Variants in DCHS2 observed in about 807,000 individuals in gnomAD.
DCHS2 encodes dachsous cadherin-related 2, also known as protocadherin-23.
Under a neutral mutation model 182.4 loss-of-function variants are expected in DCHS2, and 142 were observed. The ratio of observed to expected loss-of-function variants is 0.78; its 90% CI spans 0.68 to 0.89. The LOEUF is 0.89. Ranked by LOEUF, DCHS2 falls within the 40% of genes least tolerant of loss-of-function variation. The pLI is 0.00. For missense variants in DCHS2, 4,319 were observed against 4,198.6 expected (o/e 1.03, Z -0.79); for synonymous variants, 1,740 against 1,663.3 (o/e 1.05, Z -1.12).
chr4:154,434,379 G>A (rs1313779621), intron 1 of DCHS2, among the ~76,000 whole-genome samples: 1 of 152,118 alleles, frequency 6.6e-6, no homozygotes, highest in Non-Finnish European at 1.5e-5. Flanking sequence ...GTGTGATTGT[G>A]CCACAGCACT....
chr4:154,448,343 A>C (rs780705426), intron 1 of DCHS2, among the ~76,000 whole-genome samples: 12 of 152,150 alleles, frequency 7.9e-5, no homozygotes, highest in Non-Finnish European at 1.6e-4. Context: ...CAGATGCCTC[A>C]AGTGTCCTCA....
intron 3 of DCHS2, among the ~76,000 whole-genome samples, chr4:154,347,308 A>G (rs954801254): frequency 6.7e-6 from 1 of 149,956 alleles, no homozygotes; most frequent in Non-Finnish European, 1.5e-5. Context: ...AAGGCAAGAA[A>G]TCTATTATTT....
At position 154,234,778 on chromosome 4, in the gene DCHS2, C is replaced by T. The variant is rs754727249; in HGVS notation, c.9874G>A (p.Val3292Ile). Reference sequence around the variant, plus strand: ...TTTACTGCCGGCATTCTTGGTGGGACTGCTTTAATCCCAGGCTGGGCTACT... The same window carrying T: ...TTTACTGCCGGCATTCTTGGTGGGATTGCTTTAATCCCAGGCTGGGCTACT... ...TAVAQPGIKA[V>I]PPRMPAVNLG... The change falls in exon 20 of 20, where the codon GTC (valine) becomes ATC (isoleucine). Residue 3292 changes from valine to isoleucine, a missense_variant. Val to Ile is a conservative substitution (Grantham distance 29). Coordinates refer to ENST00000357232, the MANE Select transcript of DCHS2 (RefSeq NM_001358235.2). 45 of 1,613,822 alleles carry T rather than the reference C, an allele frequency of 2.8e-5. No individual in the cohort carries two copies. In the South Asian group the frequency reaches 4.2e-4, roughly 15 times the overall value.
In DCHS2 at chr4:154,422,426, C is replaced by T. The variant is rs1030055706; in HGVS notation, c.2053-44982G>A. Among the ~76,000 whole-genome samples the T allele has an allele frequency of 5.3e-5, 8 of 152,292 alleles. No individual in the cohort carries two copies. In the South Asian group the frequency reaches 1.7e-3, roughly 32 times the overall value. ...ACCCTTTTCTTTACCCAGTAACCCA[C>T]TCCATCAGCAAGTTCTATTGCCTCT... On this transcript the variant is annotated intron_variant, in intron 1 of 19. Transcript: ENST00000357232.
chr4:154,456,033 T>C (rs1487807201), intron 1 of DCHS2, among the ~76,000 whole-genome samples: 2 of 151,796 alleles, frequency 1.3e-5, no homozygotes, highest in Non-Finnish European at 2.9e-5. Context: ...GAGCTTGCAA[T>C]GAGCTGAGAT....
At chr4:154,414,206 G>GAT (rs386401933) in intron 1 of DCHS2, among the ~76,000 whole-genome samples, 15 of 148,044 alleles carry the variant, frequency 1.0e-4, no homozygotes, top group East Asian at 2.0e-4. Context: ...TAGAGAGAGA[G>GAT]AGATATAGAT....
rs774118820 is a variant in DCHS2 at position 154,235,956 on chromosome 4, A to G, written c.8696T>C (p.Ile2899Thr). The G allele has an allele frequency of 6.8e-6, 11 of 1,614,040 alleles. No individual in the cohort carries two copies. Among genetic ancestry groups the G allele is most frequent in the East Asian group, 2.2e-5 (1 of 44,844 alleles). Residue 2899 changes from isoleucine (I) to threonine (T), a missense_variant, in exon 20 of 20, where the codon ATT (isoleucine) becomes ACT (threonine). Physicochemically the swap from Ile to Thr is moderately conservative, Grantham distance 89 (BLOSUM62 -1). Coordinates refer to ENST00000357232, the MANE Select transcript of DCHS2 (RefSeq NM_001358235.2). ...TGCATCTGAGGCTTCCACTCTGCCA[A>G]TCAACTGTCTGTCTTTATTCTTTTC... is the stretch of plus-strand genomic sequence containing the variant. ...LPEKNKDRQL[I>T]GRVEASDADA...
intron 11 of DCHS2, 72 bp from the exon 12 acceptor site, chr4:154,304,950 A>G: frequency 6.6e-7 from 1 of 1,521,932 alleles, no homozygotes; most frequent in East Asian, 2.4e-5. Context: ...TTCTAACTAG[A>G]CAATGTCAGG....
chr4:154,304,637 AAACAAAC>A (rs762388593), intron 12 of DCHS2, 25 bp downstream of exon 12: 4 of 359,430 alleles, frequency 1.1e-5, no homozygotes, highest in South Asian at 9.1e-5. Flanking sequence ...TTAAAAAAAC[AAACAAAC>A]AAACAAACAA....
intron 14 of DCHS2, among the ~76,000 whole-genome samples, chr4:154,268,421 A>G (rs868361836): frequency 6.6e-6 from 1 of 152,232 alleles, no homozygotes; most frequent in South Asian, 2.1e-4. Flanking sequence ...GGGAGCATGT[A>G]CAGTGTGGAG....
chr4:154,451,780 A>G (rs1446393446), intron 1 of DCHS2, among the ~76,000 whole-genome samples: 1 of 152,186 alleles, frequency 6.6e-6, no homozygotes, highest in East Asian at 1.9e-4. Flanking sequence ...ACAGTTCTAT[A>G]CTGATAAATG....
chr4:154,263,660 T>C (rs147872039), intron 14 of DCHS2, among the ~76,000 whole-genome samples: 2 of 146,412 alleles, frequency 1.4e-5, no homozygotes, highest in African/African-American at 5.1e-5. Flanking sequence ...AAAGGCTGCA[T>C]ATATTCCAAA....
chr4:154,239,438 T>A (rs1731695455), intron 18 of DCHS2, 136 bp from the exon 19 acceptor site: 2 of 1,333,160 alleles, frequency 1.5e-6, no homozygotes, highest in Middle Eastern at 1.9e-4. Flanking sequence ...TTGTTAGACA[T>A]ATTAATTTAT....
intron 1 of DCHS2, among the ~76,000 whole-genome samples, chr4:154,389,104 C>T (rs1339569187): frequency 3.9e-5 from 6 of 152,026 alleles, no homozygotes; most frequent in East Asian, 1.9e-4. Flanking sequence ...ATGAAAGAGC[C>T]GTGGACAATA....
chr4:154,384,257 G>T, intron 1 of DCHS2: 1 of 1,469,920 alleles, frequency 6.8e-7, no homozygotes. Context: ...TTTATTTTCT[G>T]AATTATTTGG....
At chr4:154,266,421 G>C (rs1578882527) in intron 14 of DCHS2, among the ~76,000 whole-genome samples, 1 of 151,998 alleles carries the variant, frequency 6.6e-6, no homozygotes, top group African/African-American at 2.4e-5. Flanking sequence ...CTTTGGGAGG[G>C]TGAAGCGGGT....
At chr4:154,437,350 G>A (rs7670027) in intron 1 of DCHS2, among the ~76,000 whole-genome samples, 68,385 of 151,798 alleles carry the variant, frequency 0.45, 16,137 homozygotes, top group Middle Eastern at 0.65. Flanking sequence ...CTCTCATGAT[G>A]AAAAAAGGAT....
In DCHS2 at chr4:154,242,685, A is replaced by G; in HGVS notation, c.7029T>C (p.Asn2343=). The change falls in exon 17 of 20, where the codon AAT becomes AAC. Residue 2343 remains asparagine, a synonymous_variant. Transcript: ENST00000357232. ...IKVQVTDIND[N]APAFLPSEAV... ...CTTCAGAGGGGAGAAAAGCTGGGGC[A>G]TTGTCATTTATATCAGTCACCTGTA... is the stretch of plus-strand genomic sequence containing the variant. 6.2e-7 allele frequency: 1 copy of G among 1,613,088 alleles called. No homozygotes were observed. Among genetic ancestry groups the G allele is most frequent in the Non-Finnish European group, 8.5e-7 (1 of 1,179,408 alleles).
At chr4:154,433,383 T>G (rs1469876696) in intron 1 of DCHS2, among the ~76,000 whole-genome samples, 8 of 134,458 alleles carry the variant, frequency 5.9e-5, no homozygotes, top group Admixed American at 2.5e-4. Context: ...AATAACTAGT[T>G]TTTTTTTTTT....
Sources: gnomAD v4.1 joint callset for allele counts (sites outside exome capture counted in the v4.1 genomes callset) on GRCh38, gnomAD v4.1.1 for gene constraint, MANE v1.5 for transcripts, NCBI Gene and HGNC (gene_info 2026-07-23, HGNC 2026-07-21) for gene names.